DAGLA: variants seen among roughly 807,000 people sequenced by gnomAD.
DAGLA encodes the protein diacylglycerol lipase-alpha.
In DAGLA, 22 loss-of-function variants were observed where a neutral mutation model predicts 102.6. The ratio of observed to expected loss-of-function variants is 0.21; its 90% CI spans 0.15 to 0.31. DAGLA has a LOEUF of 0.31. Among genes scored for constraint, DAGLA ranks in the 10% least tolerant of loss-of-function variants. The pLI, the probability that DAGLA is intolerant of heterozygous loss-of-function variation, is 1.00. For synonymous variants in DAGLA, 578 were observed against 628.9 expected (o/e 0.92, Z 1.21); for missense variants, 927 against 1,446.6 (o/e 0.64, Z 5.83).
intron 5 of DAGLA, among the ~76,000 whole-genome samples, chr11:61,725,323 A>G (rs1160294426): frequency 6.6e-6 from 1 of 152,168 alleles, no homozygotes; most frequent in Non-Finnish European, 1.5e-5. Context: ...CTGATTCTCC[A>G]TCTGAGCAGC....
chr11:61,723,413 G>T, intron 4 of DAGLA, 21 bp from the exon 5 acceptor site: 1 of 1,607,050 alleles, frequency 6.2e-7, no homozygotes, highest in South Asian at 1.1e-5. Context: ...CCTACCTAAT[G>T]CCTCCCACTG....
At position 61,741,089 on chromosome 11, in the gene DAGLA, T is replaced by A. The variant is rs1204696727; in HGVS notation, c.1984-73T>A. The A allele has an allele frequency of 4.2e-6, 6 of 1,435,414 alleles. No individual in the cohort carries two copies. In the East Asian group the frequency reaches 1.1e-4, roughly 27 times the overall value. 88.9% of individuals were successfully genotyped at this position (1,435,414 alleles called of 1,614,324 possible). A position where few individuals can be genotyped will look rare whatever the true frequency, so the allele number is the denominator to read the frequency against. ...TGCTTGGCCTGAGAGGCCTGGGCCC[T>A]GGCTCCACATCGGCCCCACGATGGG... On this transcript the variant is annotated intron_variant, in intron 18 of 19. Coordinates refer to ENST00000257215, the MANE Select transcript of DAGLA (RefSeq NM_006133.3).
intron 1 of DAGLA, among the ~76,000 whole-genome samples, chr11:61,683,320 C>T (rs193021305): frequency 1.1e-3 from 165 of 152,328 alleles, no homozygotes; most frequent in South Asian, 4.3e-3. Flanking sequence ...GTAGCTGCCA[C>T]GCAGACACTG....
chr11:61,693,758 C>T (rs1349701050), intron 1 of DAGLA, among the ~76,000 whole-genome samples: 3 of 152,262 alleles, frequency 2.0e-5, no homozygotes, highest in Non-Finnish European at 4.4e-5. Flanking sequence ...GCAGCCCAGA[C>T]TCCCCCACTG....
Position 61,740,456 on chromosome 11 carries a change from C to G in DAGLA, c.1854-7C>G, listed in dbSNP as rs772842058. ...CCTTAACTCCCCTCTGTCCATGTCCCTCTCAGCTGCTGTGAGCAGGAGGAG... is the reference window on the plus strand; with the variant it reads ...CCTTAACTCCCCTCTGTCCATGTCCGTCTCAGCTGCTGTGAGCAGGAGGAG... On this transcript the variant is annotated splice_region_variant and splice_polypyrimidine_tract_variant and intron_variant, in intron 17 of 19. Transcript: ENST00000257215. 1 of 1,613,240 alleles carries G rather than the reference C, an allele frequency of 6.2e-7. No individual in the cohort carries two copies. The highest frequency in any genetic ancestry group is 2.2e-5 in the East Asian group (1 of 44,862).
intron 1 of DAGLA, among the ~76,000 whole-genome samples, chr11:61,703,784 T>C (rs191457895): frequency 6.6e-6 from 1 of 152,298 alleles, no homozygotes; most frequent in East Asian, 1.9e-4. Flanking sequence ...TAGGCAACAC[T>C]CCTGTAACAA....
rs1435938008 is a variant in DAGLA at position 61,742,850 on chromosome 11, TG to T, written c.2172-681del. Reference sequence around the variant, plus strand: ...TCTCATTCCACTGTGGCCTCATGAGTGACCTGGGGCAGGCTCATGAGTGATC... The same window carrying T: ...TCTCATTCCACTGTGGCCTCATGAGTACCTGGGGCAGGCTCATGAGTGATC... On this transcript the variant is annotated intron_variant, in intron 19 of 19. Transcript: ENST00000257215. Among the ~76,000 whole-genome samples the T allele has an allele frequency of 6.2e-5, 9 of 144,710 alleles. 1 individual carries two copies. The South Asian group carries it at 6.9e-4, about 11-fold the overall frequency. 94.9% of individuals were successfully genotyped at this position (144,710 alleles called of 152,430 possible). A position where few individuals can be genotyped will look rare whatever the true frequency, so the allele number is the denominator to read the frequency against.
chr11:61,695,196 G>A (rs2065054825), intron 1 of DAGLA, among the ~76,000 whole-genome samples: 1 of 152,202 alleles, frequency 6.6e-6, no homozygotes, highest in Admixed American at 6.5e-5. Context: ...ACAGGCTCTG[G>A]GGAACCGGGT....
rs2135547989 is a variant in DAGLA, at chr11:61,687,450, G to C, written c.-45+6946G>C. ...TGGTTCAAGTGATTCTCATGCCTCAGCCTCCCTAGTAGCTAGGATTACAGG... is the reference window on the plus strand; with the variant it reads ...TGGTTCAAGTGATTCTCATGCCTCACCCTCCCTAGTAGCTAGGATTACAGG... On this transcript the variant is annotated intron_variant, in intron 1 of 19. Transcript: ENST00000257215. Among the ~76,000 whole-genome samples the C allele has an allele frequency of 2.0e-5, 3 of 152,192 alleles. No individual in the cohort carries two copies. The South Asian group carries it at 6.2e-4, about 32-fold the overall frequency.
intron 1 of DAGLA, among the ~76,000 whole-genome samples, chr11:61,694,258 C>T (rs1331776517): frequency 6.6e-6 from 1 of 152,212 alleles, no homozygotes; most frequent in Non-Finnish European, 1.5e-5. Context: ...GTCCTGCTTC[C>T]TTGCCTGTTT....
chr11:61,737,157 C>G, intron 13 of DAGLA, 25 bp from the exon 14 acceptor site: 27 of 1,612,942 alleles, frequency 1.7e-5, no homozygotes, highest in Non-Finnish European at 2.3e-5. Context: ...TGGGGCAGGG[C>G]TCTCAGGCTT....
chr11:61,692,738 G>A (rs2065033649), intron 1 of DAGLA, among the ~76,000 whole-genome samples: 2 of 152,134 alleles, frequency 1.3e-5, no homozygotes, highest in African/African-American at 4.8e-5. Context: ...CTCACACCGA[G>A]AAGAGGGAAA....
chr11:61,728,420 C>T, intron 7 of DAGLA, 133 bp downstream of exon 7: 1 of 1,136,938 alleles, frequency 8.8e-7, no homozygotes, highest in Non-Finnish European at 1.2e-6. Flanking sequence ...CTCTTGGACC[C>T]TGGAGGTCAC....
chr11:61,732,884 C>T (rs1267498075), intron 9 of DAGLA, among the ~76,000 whole-genome samples: 1 of 152,190 alleles, frequency 6.6e-6, no homozygotes, highest in African/African-American at 2.4e-5. Context: ...CCATGCAGAG[C>T]ACAGCGAGCC....
intron 1 of DAGLA, among the ~76,000 whole-genome samples, chr11:61,681,261 C>G (rs1208826987): frequency 3.9e-5 from 6 of 152,024 alleles, no homozygotes; most frequent in Non-Finnish European, 8.8e-5. Flanking sequence ...AGGTTGGTGT[C>G]CTTTATAATG....
chr11:61,714,087 G>A (rs1036683405), intron 1 of DAGLA, among the ~76,000 whole-genome samples: 6 of 152,220 alleles, frequency 3.9e-5, no homozygotes, highest in African/African-American at 1.4e-4. Flanking sequence ...ACCAGGAAGT[G>A]TGGCGTCCAG....
intron 9 of DAGLA, 38 bp downstream of exon 9, chr11:61,731,479 C>T: frequency 6.2e-7 from 1 of 1,608,688 alleles, no homozygotes; most frequent in Non-Finnish European, 8.5e-7. Flanking sequence ...GATTGCACCT[C>T]TCCTCCCGGG....
At position 61,746,779 on chromosome 11, in the gene DAGLA, T is replaced by G. The variant is rs1438595097; in HGVS notation, c.*2290T>G. ...CTGTCCTCCCAGGGGCCTGGGCGACTCCATATGCAATCAGTAGCGAGCAGC... is the reference window on the plus strand; with the variant it reads ...CTGTCCTCCCAGGGGCCTGGGCGACGCCATATGCAATCAGTAGCGAGCAGC... On this transcript the variant is annotated 3_prime_UTR_variant, in exon 20 of 20. Transcript: ENST00000257215. 1.3e-5 allele frequency: 2 copies of G among 152,574 alleles called. No individual in the cohort carries two copies. The highest frequency in any genetic ancestry group is 4.8e-5 in the African/African-American group (2 of 41,430). 9.5% of individuals were successfully genotyped at this position (152,574 alleles called of 1,614,324 possible). A position where few individuals can be genotyped will look rare whatever the true frequency, so the allele number is the denominator to read the frequency against.
chr11:61,722,311 C>G (rs1175676290), intron 3 of DAGLA, among the ~76,000 whole-genome samples: 1 of 152,174 alleles, frequency 6.6e-6, no homozygotes, highest in South Asian at 2.1e-4. Context: ...ATGGGCCAGG[C>G]GCGGTGGCTC....
Sources: gnomAD v4.1 joint callset for allele counts (sites outside exome capture counted in the v4.1 genomes callset) on GRCh38, gnomAD v4.1.1 for gene constraint, MANE v1.5 for transcripts, NCBI Gene and HGNC (gene_info 2026-07-23, HGNC 2026-07-21) for gene names.